The following ATP2B3 variants were observed in gnomAD, a reference collection of about 807,000 sequenced individuals.
ATP2B3 encodes the protein plasma membrane calcium-transporting ATPase 3.
Under a neutral mutation model 70.8 loss-of-function variants are expected in ATP2B3, and 12 were observed. That is an observed-to-expected ratio of 0.17 (90% CI 0.11 to 0.27). The LOEUF (loss-of-function observed/expected upper bound fraction) is 0.27. Ranked by LOEUF, ATP2B3 falls within the 10% of genes least tolerant of loss-of-function variation. ATP2B3 has a pLI of 1.00. For synonymous variants in ATP2B3, 460 were observed against 497.8 expected (o/e 0.92, Z 1.01); for missense variants, 858 against 1,118.5 (o/e 0.77, Z 3.32).
Position 153,574,301 on chromosome X carries a change from G to T in ATP2B3, c.3343-5677G>T, listed in dbSNP as rs180802527. On this transcript the variant is annotated intron_variant, in intron 21 of 21. Transcript: ENST00000263519. ...GTTCTTGACAAGAAGTTCCCCATGG[G>T]TCTCCCTGGCTGCTGTGTTCAGAAT... 6.2e-5 allele frequency among the ~76,000 whole-genome samples: 7 copies of T among 112,562 alleles called. No individual in the cohort carries two copies. The East Asian group carries it at 1.7e-3, about 27-fold the overall frequency.
At chrX:153,562,726 A>G (rs2090642783) in intron 20 of ATP2B3, among the ~76,000 whole-genome samples, 1 of 112,395 alleles carries the variant, frequency 8.9e-6, no homozygotes, top group Non-Finnish European at 1.9e-5. Context: ...TTAGATCAGG[A>G]AGAAACAGCC....
At chrX:153,553,423 C>T (rs1308006286) in intron 13 of ATP2B3, among the ~76,000 whole-genome samples, 154 bp downstream of exon 13, 9 of 111,642 alleles carry the variant, frequency 8.1e-5, no homozygotes, top group African/African-American at 2.6e-4. Flanking sequence ...CCCTGACACC[C>T]GCACAAAGGC....
At position 153,532,362 on chromosome X, in the gene ATP2B3, C is replaced by T. The variant is rs528110210; in HGVS notation, c.-126-3760C>T. The stretch of plus-strand genomic sequence containing the variant: ...GACTAAGCTGGAGGTGCCAGCAGAG[C>T]CCCCAAAGCCAGGGAGGGACAACAT... On this transcript the variant is annotated intron_variant, in intron 2 of 21. Coordinates refer to ENST00000263519, the MANE Select transcript of ATP2B3 (RefSeq NM_001001344.3). Among the ~76,000 whole-genome samples the T allele has an allele frequency of 8.3e-4, 94 of 112,733 alleles. No homozygotes were observed. In the South Asian group the frequency reaches 0.013, roughly 15 times the overall value.
intron 21 of ATP2B3, among the ~76,000 whole-genome samples, chrX:153,573,801 C>A (rs899790870): frequency 8.9e-6 from 1 of 112,512 alleles, no homozygotes; most frequent in Non-Finnish European, 1.9e-5. Context: ...GACACTGACT[C>A]GCCGCGCCCA....
chrX:153,532,648 G>A (rs1380617657), intron 2 of ATP2B3, among the ~76,000 whole-genome samples: 5 of 112,220 alleles, frequency 4.5e-5, no homozygotes, highest in African/African-American at 1.6e-4. Flanking sequence ...CGGAAGGTGC[G>A]AGGCCCCCTC....
intron 17 of ATP2B3, 136 bp from the exon 18 acceptor site, chrX:153,559,593 T>G: frequency 1.9e-5 from 10 of 525,504 alleles, no homozygotes; most frequent in South Asian, 3.0e-5. Context: ...GATGTAGGGA[T>G]GGAGATGTCT....
rs184447742 is a variant in ATP2B3 at position 153,526,667 on chromosome X, G to A, written c.-127+8116G>A. 2.1e-4 allele frequency among the ~76,000 whole-genome samples: 23 copies of A among 111,918 alleles called. 1 individual carries two copies. Among genetic ancestry groups the A allele is most frequent in the African/African-American group, 6.8e-4 (21 of 30,818 alleles). ...CCTCTCTCTGGGCATCCTCGCCACT[G>A]GCTCTTCCTCCATCACCACATTTGG... is the stretch of plus-strand genomic sequence containing the variant. On this transcript the variant is annotated intron_variant, in intron 2 of 21. Coordinates refer to ENST00000263519, the MANE Select transcript of ATP2B3 (RefSeq NM_001001344.3).
intron 2 of ATP2B3, among the ~76,000 whole-genome samples, chrX:153,522,585 C>T (rs1038138420): frequency 8.9e-6 from 1 of 112,363 alleles, no homozygotes; most frequent in Non-Finnish European, 1.9e-5. Context: ...AGTCCTCACA[C>T]GGACCTAGAC....
chrX:153,549,837 G>GC (rs1421276529), intron 11 of ATP2B3, 98 bp downstream of exon 11: 31 of 1,081,414 alleles, frequency 2.9e-5, no homozygotes, highest in African/African-American at 3.7e-5. Flanking sequence ...TGCTCATTAG[G>GC]CCCCCCCTTG....
intron 2 of ATP2B3, among the ~76,000 whole-genome samples, chrX:153,527,472 C>A (rs1472441658): frequency 8.9e-6 from 1 of 112,985 alleles, no homozygotes; most frequent in African/African-American, 3.2e-5. Flanking sequence ...CGCACACCCG[C>A]TGTAATTGGA....
intron 2 of ATP2B3, among the ~76,000 whole-genome samples, chrX:153,526,805 C>G (rs1453421235): frequency 8.9e-6 from 1 of 111,883 alleles, no homozygotes; most frequent in East Asian, 2.8e-4. Context: ...TCAGTTGGAG[C>G]CCCCATTTGG....
At chrX:153,569,793 T>C in intron 21 of ATP2B3, 1 of 1,195,254 alleles carries the variant, frequency 8.4e-7, no homozygotes, top group Non-Finnish European at 1.1e-6. Context: ...ATAAATGGCA[T>C]CTCTGGGGAA....
At position 153,547,939 on chromosome X, in the gene ATP2B3, AAGG is replaced by A. The variant is rs1381721949; in HGVS notation, c.1066_1068del (p.Glu356del). 2 of 1,209,873 alleles carry A rather than the reference AAGG, an allele frequency of 1.7e-6. No homozygotes were observed. Among genetic ancestry groups the A allele is most frequent in the Non-Finnish European group, 2.2e-6 (2 of 894,941 alleles). On this transcript the variant is annotated inframe_deletion, in exon 9 of 22. Transcript: ENST00000263519. ...GAAGAAGAAAGCCAACGCACCCAAAAAGGAGAAGTCTGTCCTTCAGGGGAAGCT... is the reference window on the plus strand; with the variant it reads ...GAAGAAGAAAGCCAACGCACCCAAAAAGAAGTCTGTCCTTCAGGGGAAGCT...
intron 21 of ATP2B3, among the ~76,000 whole-genome samples, chrX:153,574,075 C>T (rs1449872317): frequency 8.9e-6 from 1 of 112,871 alleles, no homozygotes; most frequent in Non-Finnish European, 1.9e-5. Context: ...GGGGCCTTCC[C>T]CTTGCTCTTC....
intron 21 of ATP2B3, among the ~76,000 whole-genome samples, chrX:153,572,653 C>T (rs1220152963): frequency 9.0e-6 from 1 of 111,358 alleles, no homozygotes; most frequent in Non-Finnish European, 1.9e-5. Flanking sequence ...CATGCATTGT[C>T]AGACTGTGCC....
Position 153,541,519 on chromosome X carries a change from C to T in ATP2B3, c.369C>T (p.Gly123=), listed in dbSNP as rs782607912. 4.1e-6 allele frequency: 5 copies of T among 1,211,536 alleles called. No individual in the cohort carries two copies. The South Asian group carries it at 5.3e-5, about 13-fold the overall frequency. ...ILEVAAIVSL[G]LSFYAPPGEE... ...AGGTGGCTGCCATCGTCTCTCTGGG[C>T]CTCTCGTTCTATGCGCCGCCAGGAG... Residue 123 remains glycine (G), a synonymous_variant, in exon 4 of 22, where the codon GGC becomes GGT. Transcript: ENST00000263519.
chrX:153,569,484 T>C (rs1557019219), intron 21 of ATP2B3: 6 of 850,018 alleles, frequency 7.1e-6, no homozygotes. Context: ...GGTGACCCGA[T>C]GAGGCTTTGC....
intron 3 of ATP2B3, among the ~76,000 whole-genome samples, chrX:153,540,771 G>A (rs969276398): frequency 7.1e-5 from 8 of 112,407 alleles, no homozygotes; most frequent in Non-Finnish European, 1.5e-4. Flanking sequence ...CTAGAGAGGT[G>A]TTTCCTGACA....
Position 153,556,381 on chromosome X carries a change from C to A in ATP2B3, c.2289C>A (p.Ala763=). ...TGTGGCCCAAGCTGAGGGTGCTGGC[C>A]CGGTCGTCTCCCACCGACAAGCACA... ...DKVWPKLRVL[A]RSSPTDKHTL... is the part of the protein sequence containing the mutation. The change falls in exon 15 of 22, where the codon GCC becomes GCA. Residue 763 remains alanine (A), a synonymous_variant. Transcript: ENST00000263519. The A allele has an allele frequency of 8.3e-7, 1 of 1,205,968 alleles. No homozygotes were observed. Among genetic ancestry groups the A allele is most frequent in the Non-Finnish European group, 1.1e-6 (1 of 893,301 alleles).
Sources: gnomAD v4.1 joint callset for allele counts (sites outside exome capture counted in the v4.1 genomes callset) on GRCh38, gnomAD v4.1.1 for gene constraint, MANE v1.5 for transcripts, NCBI Gene and HGNC (gene_info 2026-07-23, HGNC 2026-07-21) for gene names.